Variants in CLXN observed in about 807,000 individuals in gnomAD.
The protein encoded by CLXN is EF-hand calcium binding domain 1.
the CLXN span, among the ~76,000 whole-genome samples, chr8:48,725,612 T>C: frequency 6.6e-6 from 1 of 152,082 alleles, no homozygotes; most frequent in African/African-American, 2.4e-5. Context: ...GAGACCAGCC[T>C]GACCAACATG....
the CLXN span, chr8:48,730,027 T>C: frequency 2.4e-5 from 13 of 541,316 alleles, no homozygotes; most frequent in African/African-American, 1.9e-4. Context: ...TACTAGGATA[T>C]ATACAATAAT....
chr8:48,733,664 G>C, the CLXN span, among the ~76,000 whole-genome samples: 1 of 152,076 alleles, frequency 6.6e-6, no homozygotes, highest in Admixed American at 6.6e-5. Flanking sequence ...ATCTAAGTTT[G>C]TAAGACTCAT....
At chr8:48,720,533 T>C in the CLXN span, among the ~76,000 whole-genome samples, 1 of 152,122 alleles carries the variant, frequency 6.6e-6, no homozygotes, top group Admixed American at 6.6e-5. Flanking sequence ...TCTGCCCTGG[T>C]TAATTTGTGG....
the CLXN span, chr8:48,714,080 C>T: frequency 6.6e-6 from 1 of 152,190 alleles, no homozygotes; most frequent in Non-Finnish European, 1.5e-5. Flanking sequence ...AGTCCTAACC[C>T]ACCCCCCCGA....
the CLXN span, chr8:48,715,896 G>A: frequency 6.6e-6 from 1 of 152,284 alleles, no homozygotes; most frequent in Non-Finnish European, 1.5e-5. Flanking sequence ...CAAAGAAATG[G>A]AAATCCTTGA....
the CLXN span, among the ~76,000 whole-genome samples, chr8:48,726,153 TCCACCCACCCACC>T: frequency 1.7e-5 from 1 of 58,060 alleles, no homozygotes; most frequent in Admixed American, 1.8e-4. Flanking sequence ...CATCCATCCA[TCCACCCACCCACC>T]CCATCCACCC....
the CLXN span, chr8:48,716,300 C>T: frequency 6.6e-5 from 10 of 152,362 alleles, no homozygotes; most frequent in South Asian, 2.1e-4. Context: ...GCCGAGCCGG[C>T]GCCCACCCAG....
At chr8:48,726,112 C>CTCCATCCATCCA in the CLXN span, among the ~76,000 whole-genome samples, 13 of 111,600 alleles carry the variant, frequency 1.2e-4, no homozygotes, top group East Asian at 2.9e-4. Flanking sequence ...TACCCACCCA[C>CTCCATCCATCCA]TCCATCCATC....
the CLXN span, among the ~76,000 whole-genome samples, chr8:48,728,010 G>A: frequency 6.6e-6 from 1 of 152,128 alleles, no homozygotes; most frequent in Non-Finnish European, 1.5e-5. Flanking sequence ...GTGAGTTTTG[G>A]GGAAAAGTCA....
At chr8:48,724,818 T>G in the CLXN span, 26,939 of 1,606,988 alleles carry the variant, frequency 0.017, 305 homozygotes, top group Middle Eastern at 0.019. Flanking sequence ...AAAAAGGTAC[T>G]CAATTTAGTA....
At chr8:48,731,903 T>A in the CLXN span, among the ~76,000 whole-genome samples, 1 of 152,112 alleles carries the variant, frequency 6.6e-6, no homozygotes, top group Non-Finnish European at 1.5e-5. Flanking sequence ...GAAATAGATG[T>A]CAGATTCATG....
chr8:48,734,177 A>C, the CLXN span, among the ~76,000 whole-genome samples: 1 of 152,166 alleles, frequency 6.6e-6, no homozygotes, highest in Non-Finnish European at 1.5e-5. Flanking sequence ...AACTACATCA[A>C]CATGTTTATT....
At chr8:48,729,253 G>T in the CLXN span, 2 of 901,630 alleles carry the variant, frequency 2.2e-6, no homozygotes, top group East Asian at 2.7e-5. Flanking sequence ...GGCTGGGGAT[G>T]GTGGCTCAGG....
chr8:48,733,725 T>C, the CLXN span, among the ~76,000 whole-genome samples: 2 of 152,208 alleles, frequency 1.3e-5, no homozygotes, highest in African/African-American at 2.4e-5. Flanking sequence ...TTTCCTGCCA[T>C]ATTTTTACTT....
chr8:48,722,995 C>T, the CLXN span, among the ~76,000 whole-genome samples: 6 of 151,700 alleles, frequency 4.0e-5, no homozygotes, highest in African/African-American at 1.5e-4. Flanking sequence ...CTGGGGATAG[C>T]AGGGTGGGGC....
At chr8:48,720,374 T>C in the CLXN span, among the ~76,000 whole-genome samples, 4 of 152,144 alleles carry the variant, frequency 2.6e-5, no homozygotes, top group Non-Finnish European at 4.4e-5. Flanking sequence ...TAGCAAGGAA[T>C]ATTAATATCC....
At chr8:48,726,658 C>T in the CLXN span, among the ~76,000 whole-genome samples, 2 of 141,862 alleles carry the variant, frequency 1.4e-5, no homozygotes, top group African/African-American at 5.3e-5. Flanking sequence ...ATCCACCCAC[C>T]TCATCCATCC....
the CLXN span, among the ~76,000 whole-genome samples, chr8:48,733,806 G>A: frequency 1.1e-4 from 16 of 152,066 alleles, no homozygotes; most frequent in South Asian, 1.2e-3. Flanking sequence ...CAAACTTACC[G>A]AACAGAGACT....
the CLXN span, among the ~76,000 whole-genome samples, chr8:48,726,508 C>CCATCCATCCATA: frequency 1.3e-5 from 2 of 149,936 alleles, no homozygotes; most frequent in African/African-American, 4.9e-5. Context: ...ATCCATCCAT[C>CCATCCATCCATA]CATCCATCCA....
Sources: allele counts gnomAD v4.1 joint callset (sites outside exome capture counted in the v4.1 genomes callset), GRCh38; gene constraint gnomAD v4.1.1; transcripts MANE v1.5; gene names NCBI Gene and HGNC (gene_info 2026-07-23, HGNC 2026-07-21).